FREM1: variants seen among roughly 807,000 people sequenced by gnomAD.
FREM1 encodes the protein FRAS1 related extracellular matrix 1, also known as FRAS1-related extracellular matrix protein 1.
FREM1 carries 220 observed loss-of-function variants against 210.1 expected under a neutral mutation model. The ratio of observed to expected loss-of-function variants is 1.05; its 90% CI spans 0.94 to 1.17. FREM1 has a LOEUF of 1.17. FREM1 is among the 50% of genes most tolerant of loss of function. FREM1 has a pLI of 0.00. For synonymous variants in FREM1, 1,189 were observed against 980.2 expected, an observed-to-expected ratio of 1.21 and a Z score of -3.98; for missense variants, 3,454 against 2,675.5, an observed-to-expected ratio of 1.29 and a Z score of -6.42.
At chr9:14,821,621 A>C (rs1304084572) in intron 13 of FREM1, among the ~76,000 whole-genome samples, 1 of 152,248 alleles carries the variant, frequency 6.6e-6, no homozygotes, top group Non-Finnish European at 1.5e-5. Context: ...AAGGTGTCAA[A>C]GAATGGAGTT....
chr9:14,832,800 C>G (rs973227400), intron 10 of FREM1, among the ~76,000 whole-genome samples: 1 of 151,984 alleles, frequency 6.6e-6, no homozygotes, highest in African/African-American at 2.4e-5. Context: ...TGCTTATGTT[C>G]TCAGTAAATG....
At chr9:14,796,381 G>A (rs1852389248) in intron 21 of FREM1, among the ~76,000 whole-genome samples, 1 of 152,180 alleles carries the variant, frequency 6.6e-6, no homozygotes, top group South Asian at 2.1e-4. Flanking sequence ...AGAAGAGTTG[G>A]TCCCCTAAAA....
intron 1 of FREM1, among the ~76,000 whole-genome samples, chr9:14,905,635 C>T (rs1360602786): frequency 2.6e-5 from 4 of 152,136 alleles, no homozygotes; most frequent in African/African-American, 9.7e-5. Context: ...ACGCCTATAA[C>T]CCTAGCACTT....
chr9:14,861,244 C>G (rs183219710), intron 3 of FREM1, among the ~76,000 whole-genome samples: 1 of 50,084 alleles, frequency 2.0e-5, no homozygotes, highest in Non-Finnish European at 3.3e-5. Flanking sequence ...TATATACACA[C>G]ATATATACAT....
chr9:14,737,405 T>C lies in FREM1; in HGVS notation c.6531A>G (p.Arg2177=). ...RAKPHNYVCS[R]KL ...GTAGGGTCTGTTATATTTAGAGTTT[T>C]CTGGAACACACATAATTATGAGGTT... Residue 2177 remains arginine (R), a synonymous_variant, in exon 37 of 37, where the codon AGA becomes AGG. Coordinates refer to ENST00000380880, the MANE Select transcript of FREM1 (RefSeq NM_001379081.2). 6.2e-7 allele frequency: 1 copy of C among 1,613,520 alleles called. No homozygotes were observed. The highest frequency in any genetic ancestry group is 1.3e-5 in the African/African-American group (1 of 75,016).
At chr9:14,893,076 G>C (rs1837136740) in intron 1 of FREM1, among the ~76,000 whole-genome samples, 1 of 152,120 alleles carries the variant, frequency 6.6e-6, no homozygotes, top group African/African-American at 2.4e-5. Context: ...CCAGAGCTGT[G>C]GTGCAGCCAG....
At chr9:14,850,212 A>G (rs1827438748) in intron 6 of FREM1, among the ~76,000 whole-genome samples, 1 of 152,158 alleles carries the variant, frequency 6.6e-6, no homozygotes, top group Non-Finnish European at 1.5e-5. Flanking sequence ...CCCTCCCACT[A>G]ACTACAAAAC....
chr9:14,876,299 G>A (rs957647425), intron 1 of FREM1, among the ~76,000 whole-genome samples: 2 of 152,172 alleles, frequency 1.3e-5, no homozygotes, highest in African/African-American at 4.8e-5. Flanking sequence ...TACAGAGGCA[G>A]GCAGGTCTCC....
intron 29 of FREM1, among the ~76,000 whole-genome samples, chr9:14,755,592 G>A (rs1268602309): frequency 6.6e-6 from 1 of 152,212 alleles, no homozygotes; most frequent in Non-Finnish European, 1.5e-5. Context: ...CAGAAGCCAG[G>A]GAAAGATGGC....
At chr9:14,776,741 T>A (rs1848655957) in intron 24 of FREM1, among the ~76,000 whole-genome samples, 1 of 152,186 alleles carries the variant, frequency 6.6e-6, no homozygotes, top group Non-Finnish European at 1.5e-5. Flanking sequence ...GCAGATCACA[T>A]TTCTCAGACA....
intron 16 of FREM1, among the ~76,000 whole-genome samples, chr9:14,812,345 T>C (rs1446854459): frequency 1.3e-5 from 2 of 152,236 alleles, no homozygotes; most frequent in African/African-American, 2.4e-5. Flanking sequence ...GCAAGTCATA[T>C]ACTGGGTAAG....
At chr9:14,842,801 T>G (rs1825919186) in intron 8 of FREM1, 141 bp from the exon 9 acceptor site, 1 of 622,622 alleles carries the variant, frequency 1.6e-6, no homozygotes, top group Admixed American at 2.9e-5. Context: ...TACAGATTGT[T>G]AGTGGGTTCT....
chr9:14,769,773 C>T lies in FREM1; in HGVS notation c.5155G>A (p.Val1719Met), dbSNP rs201617511. The T allele has an allele frequency of 9.5e-5, 153 of 1,610,150 alleles. No homozygotes were observed. The highest frequency in any genetic ancestry group is 2.0e-4 in the African/African-American group (15 of 74,908). Reference protein sequence around the residue: ...NPSLEVNSDTVEFQIMDPTGN... With the variant: ...NPSLEVNSDTMEFQIMDPTGN... Reference sequence around the variant, plus strand: ...GTGGGGTCCATGATTTGAAATTCCACGGTATCTGAATTTACTTCCAAAGAT... The same window carrying T: ...GTGGGGTCCATGATTTGAAATTCCATGGTATCTGAATTTACTTCCAAAGAT... The change falls in exon 27 of 37, where the codon GTG becomes ATG. Residue 1719 changes from valine to methionine, a missense_variant. Physicochemically the swap from Val to Met is conservative, Grantham distance 21. Transcript: ENST00000380880.
chr9:14,778,100 C>G (rs921720154), intron 24 of FREM1, among the ~76,000 whole-genome samples: 1 of 151,948 alleles, frequency 6.6e-6, no homozygotes, highest in Non-Finnish European at 1.5e-5. Context: ...AGAATGAAAC[C>G]TCATACATTT....
At chr9:14,901,276 G>A (rs1051087571) in intron 1 of FREM1, among the ~76,000 whole-genome samples, 33 of 152,254 alleles carry the variant, frequency 2.2e-4, no homozygotes, top group African/African-American at 6.0e-4. Context: ...CTGTAAAGAA[G>A]AAAAATTTAA....
chr9:14,746,831 G>T, intron 34 of FREM1, 92 bp downstream of exon 34: 1 of 1,400,304 alleles, frequency 7.1e-7, no homozygotes. Flanking sequence ...ATGTAGCATG[G>T]GTTGAGTCAT....
At chr9:14,806,256 T>TC (rs1035750908) in intron 18 of FREM1, among the ~76,000 whole-genome samples, 2 of 121,418 alleles carry the variant, frequency 1.6e-5, no homozygotes, top group Non-Finnish European at 3.7e-5. Context: ...CTTTAAACTT[T>TC]TTTTTTTTTT....
chr9:14,854,364 A>T (rs1378569498), intron 5 of FREM1, among the ~76,000 whole-genome samples: 1 of 152,122 alleles, frequency 6.6e-6, no homozygotes, highest in East Asian at 1.9e-4. Context: ...ATTCAACAAA[A>T]ATGTCCAATT....
At position 14,747,521 on chromosome 9, in the gene FREM1, A is replaced by C. The variant is rs1842686073; in HGVS notation, c.5845-93T>G. On this transcript the variant is annotated intron_variant, in intron 32 of 36. Transcript: ENST00000380880. Reference sequence around the variant, plus strand: ...AGCAATTCAAAAATTCAGTCAAAGCAAAAAGATAAGAGGATTTGTTTCTCT... The same window carrying C: ...AGCAATTCAAAAATTCAGTCAAAGCCAAAAGATAAGAGGATTTGTTTCTCT... The C allele has an allele frequency of 2.3e-6, 3 of 1,320,128 alleles. No individual in the cohort carries two copies. The African/African-American group carries it at 4.4e-5, about 20-fold the overall frequency. The allele number at this position is 1,320,128 out of a possible 1,614,324, so 81.8% of individuals were successfully genotyped here.
Sources: gnomAD v4.1 joint callset for allele counts (sites outside exome capture counted in the v4.1 genomes callset) on GRCh38, gnomAD v4.1.1 for gene constraint, MANE v1.5 for transcripts, NCBI Gene and HGNC (gene_info 2026-07-23, HGNC 2026-07-21) for gene names.